LRMDA: variants seen among roughly 807,000 people sequenced by gnomAD.
LRMDA encodes the protein leucine rich melanocyte differentiation associated.
In LRMDA, 18 loss-of-function variants were observed where a neutral mutation model predicts 29.8. That is an observed-to-expected ratio of 0.60 (90% CI 0.42 to 0.90). LRMDA has a LOEUF of 0.90. LRMDA is among the 40% of genes least tolerant of loss of function. The pLI is 0.00. For missense variants in LRMDA, 273 were observed against 273.9 expected (o/e 1.00, Z 0.02); for synonymous variants, 125 against 109.4 (o/e 1.14, Z -0.89).
chr10:76,555,075 A>G (rs549801147), intron 6 of LRMDA, among the ~76,000 whole-genome samples: 2 of 152,166 alleles, frequency 1.3e-5, no homozygotes, highest in African/African-American at 2.4e-5. Flanking sequence ...ATTTGAATCA[A>G]TTATGTTTAA....
intron 5 of LRMDA, among the ~76,000 whole-genome samples, chr10:76,139,145 A>G (rs1850152286): frequency 6.6e-6 from 1 of 152,168 alleles, no homozygotes; most frequent in Admixed American, 6.5e-5. Flanking sequence ...ATTAGACTTC[A>G]CAGCAATTAA....
intron 2 of LRMDA, chr10:75,450,705 T>G (rs1323605435): frequency 6.6e-6 from 1 of 152,252 alleles, no homozygotes; most frequent in Non-Finnish European, 1.5e-5. Context: ...CAATTGCATA[T>G]TTATCAGTGT....
chr10:75,996,006 G>T (rs1197993769), intron 2 of LRMDA, among the ~76,000 whole-genome samples: 2 of 152,168 alleles, frequency 1.3e-5, no homozygotes, highest in Non-Finnish European at 2.9e-5. Context: ...CCTGGGAAAA[G>T]CCTAACCTCT....
intron 2 of LRMDA, among the ~76,000 whole-genome samples, chr10:75,564,932 A>G (rs192631240): frequency 2.8e-3 from 425 of 152,296 alleles, no homozygotes; most frequent in Admixed American, 6.5e-3. Flanking sequence ...AGGAAAAATT[A>G]TTTTTGCGTA....
At chr10:75,726,454 T>C (rs1489024314) in intron 2 of LRMDA, among the ~76,000 whole-genome samples, 2 of 152,232 alleles carry the variant, frequency 1.3e-5, no homozygotes, top group Non-Finnish European at 2.9e-5. Flanking sequence ...TTGTTGACTT[T>C]ATGGTTATAG....
chr10:76,252,181 C>T (rs945620949), intron 5 of LRMDA, among the ~76,000 whole-genome samples: 1 of 152,138 alleles, frequency 6.6e-6, no homozygotes, highest in Non-Finnish European at 1.5e-5. Flanking sequence ...TACCACCAGT[C>T]CGGGAGGCCA....
intron 6 of LRMDA, among the ~76,000 whole-genome samples, chr10:76,489,612 A>T (rs1331596637): frequency 2.0e-5 from 3 of 151,392 alleles, no homozygotes; most frequent in Non-Finnish European, 4.4e-5. Context: ...TAGGTTATTC[A>T]TTTGAAGTTT....
At chr10:75,594,944 G>C (rs905886214) in intron 2 of LRMDA, among the ~76,000 whole-genome samples, 6 of 152,038 alleles carry the variant, frequency 3.9e-5, no homozygotes, top group Non-Finnish European at 8.8e-5. Flanking sequence ...ATATATTGAT[G>C]AAAGATGAAA....
At chr10:75,704,086 A>T (rs1842338694) in intron 2 of LRMDA, among the ~76,000 whole-genome samples, 1 of 152,214 alleles carries the variant, frequency 6.6e-6, no homozygotes, top group South Asian at 2.1e-4. Flanking sequence ...GGTACAGCAG[A>T]CTCTGCAGAG....
chr10:75,445,578 G>T (rs1844383494), intron 2 of LRMDA, among the ~76,000 whole-genome samples: 1 of 152,176 alleles, frequency 6.6e-6, no homozygotes, highest in Non-Finnish European at 1.5e-5. Context: ...AGCCGGGTTG[G>T]TTCCTTAATC....
chr10:75,826,929 G>A (rs1024968863), intron 2 of LRMDA, among the ~76,000 whole-genome samples: 2 of 151,990 alleles, frequency 1.3e-5, no homozygotes, highest in African/African-American at 2.4e-5. Flanking sequence ...TCTTGTGAGC[G>A]CTCTGTATAA....
chr10:76,458,854 C>T (rs995265482), intron 6 of LRMDA, among the ~76,000 whole-genome samples: 1 of 152,012 alleles, frequency 6.6e-6, no homozygotes, highest in Admixed American at 6.6e-5. Flanking sequence ...GAAGATTCGG[C>T]ATTTGATGCA....
At chr10:76,040,545 A>G (rs183767383) in intron 3 of LRMDA, among the ~76,000 whole-genome samples, 1 of 150,742 alleles carries the variant, frequency 6.6e-6, no homozygotes, top group Non-Finnish European at 1.5e-5. Flanking sequence ...ATGGACTTGA[A>G]CCCCTTCCCC....
At chr10:76,431,108 C>T (rs1842185963) in intron 6 of LRMDA, among the ~76,000 whole-genome samples, 7 of 152,134 alleles carry the variant, frequency 4.6e-5, no homozygotes, top group Admixed American at 4.6e-4. Flanking sequence ...AAATATGTCT[C>T]TCCCTGGGAG....
intron 2 of LRMDA, among the ~76,000 whole-genome samples, chr10:75,600,975 C>T (rs1316310738): frequency 6.6e-6 from 1 of 152,230 alleles, no homozygotes; most frequent in African/African-American, 2.4e-5. Flanking sequence ...TGAGCCAAGG[C>T]TGCTTTCCCT....
chr10:76,480,720 TAGATAG>T (rs1342292867), intron 6 of LRMDA, among the ~76,000 whole-genome samples: 9 of 151,994 alleles, frequency 5.9e-5, no homozygotes, highest in Admixed American at 5.9e-4. Context: ...GCATGGAGTT[TAGATAG>T]TCTGTGGATT....
At chr10:75,783,061 T>C in intron 2 of LRMDA, 1 of 1,612,852 alleles carries the variant, frequency 6.2e-7, no homozygotes. Flanking sequence ...AGTCGGTCTT[T>C]TCTGTCAGCA....
intron 6 of LRMDA, among the ~76,000 whole-genome samples, chr10:76,526,341 C>G (rs1358023400): frequency 6.6e-6 from 1 of 152,158 alleles, no homozygotes. Context: ...GTCCTACTAC[C>G]TTTTCAGCAT....
At chr10:75,691,509 A>C (rs1034506526) in intron 2 of LRMDA, among the ~76,000 whole-genome samples, 14 of 152,010 alleles carry the variant, frequency 9.2e-5, no homozygotes, top group South Asian at 8.3e-4. Context: ...CCTTGTTCCC[A>C]CTGCTCTGTG....
Sources: allele counts gnomAD v4.1 joint callset (sites outside exome capture counted in the v4.1 genomes callset), GRCh38; gene constraint gnomAD v4.1.1; transcripts MANE v1.5; gene names NCBI Gene and HGNC (gene_info 2026-07-23, HGNC 2026-07-21).